NCKAP1: variants seen among roughly 807,000 people sequenced by gnomAD.
NCKAP1 encodes the protein NCK associated protein 1.
NCKAP1 carries 21 observed loss-of-function variants against 151.2 expected under a neutral mutation model. The ratio of observed to expected loss-of-function variants is 0.14; its 90% CI spans 0.10 to 0.20. The LOEUF (loss-of-function observed/expected upper bound fraction) is 0.20. NCKAP1 is among the 10% of genes least tolerant of loss of function. The pLI is 1.00. For synonymous variants in NCKAP1, 484 were observed against 451.8 expected (o/e 1.07, Z -0.90); for missense variants, 933 against 1,352.1 (o/e 0.69, Z 4.86).
At chr2:182,945,227 C>T (rs527597530) in intron 23 of NCKAP1, among the ~76,000 whole-genome samples, 3 of 136,466 alleles carry the variant, frequency 2.2e-5, no homozygotes, top group Non-Finnish European at 4.7e-5. Flanking sequence ...AAGAGCGAGA[C>T]TGTCTCAAAA....
In NCKAP1 at chr2:182,910,317, C is replaced by G. The variant is rs1696368082; in HGVS notation, c.*15385G>C. On this transcript the variant is annotated 3_prime_UTR_variant, in exon 31 of 31. Coordinates refer to ENST00000361354, the MANE Select transcript of NCKAP1 (RefSeq NM_013436.5). ...GCCAGCATGATTTGTGTTTCTGCAT[C>G]CAGGCAAATGTACTAAAATTCTTTG... 1 of 152,170 alleles carries G rather than the reference C, an allele frequency of 6.6e-6. No homozygotes were observed. The highest frequency in any genetic ancestry group is 1.5e-5 in the Non-Finnish European group (1 of 68,044). The allele number at this position is 152,170 out of a possible 1,614,324, so 9.4% of individuals were successfully genotyped here.
chr2:183,028,557 T>C (rs2675049), intron 1 of NCKAP1, among the ~76,000 whole-genome samples: 26,932 of 152,026 alleles, frequency 0.18, 3,691 homozygotes, highest in African/African-American at 0.38. Context: ...GTCAAGTGCA[T>C]AATAGCCTAT....
intron 1 of NCKAP1, among the ~76,000 whole-genome samples, chr2:183,024,785 C>T (rs1320830126): frequency 6.6e-6 from 1 of 152,064 alleles, no homozygotes; most frequent in Non-Finnish European, 1.5e-5. Flanking sequence ...CTTTTTATTG[C>T]ATTTTGAAAA....
intron 14 of NCKAP1, among the ~76,000 whole-genome samples, chr2:182,978,213 TTC>T (rs1697865400): frequency 6.6e-6 from 1 of 152,224 alleles, no homozygotes; most frequent in Non-Finnish European, 1.5e-5. Flanking sequence ...CTCAGAAGTT[TTC>T]AAGGTTTCTG....
chr2:183,037,655 T>C (rs1036763950), intron 1 of NCKAP1, among the ~76,000 whole-genome samples: 4 of 152,024 alleles, frequency 2.6e-5, no homozygotes, highest in South Asian at 2.1e-4. Context: ...CTCCCTTTCC[T>C]ATGGGCCCCA....
chr2:183,013,003 T>G (rs1354312135), intron 2 of NCKAP1, among the ~76,000 whole-genome samples: 3 of 151,994 alleles, frequency 2.0e-5, no homozygotes, highest in African/African-American at 4.8e-5. Context: ...CTTTCATAAC[T>G]GTCTGATAAA....
intron 1 of NCKAP1, among the ~76,000 whole-genome samples, chr2:183,026,921 G>A (rs984277718): frequency 5.3e-5 from 8 of 152,186 alleles, no homozygotes; most frequent in African/African-American, 1.9e-4. Flanking sequence ...AGTAATCATA[G>A]TAACAGTCTT....
intron 18 of NCKAP1, among the ~76,000 whole-genome samples, chr2:182,961,491 C>T (rs569003840): frequency 9.1e-4 from 138 of 152,136 alleles, no homozygotes; most frequent in African/African-American, 3.1e-3. Context: ...AAAAAACCAA[C>T]CACCACATGT....
intron 16 of NCKAP1, among the ~76,000 whole-genome samples, chr2:182,966,840 A>C (rs1325102405): frequency 6.6e-6 from 1 of 152,218 alleles, no homozygotes; most frequent in Non-Finnish European, 1.5e-5. Flanking sequence ...CATAGAAGTG[A>C]AGTTACCAGG....
intron 15 of NCKAP1, among the ~76,000 whole-genome samples, chr2:182,970,242 T>A (rs761332215): frequency 1.3e-5 from 2 of 152,172 alleles, no homozygotes; most frequent in Admixed American, 1.3e-4. Flanking sequence ...GAAGGAATAC[T>A]TTCAAATACT....
At chr2:182,967,820 C>T (rs1697605237) in intron 15 of NCKAP1, among the ~76,000 whole-genome samples, 1 of 152,056 alleles carries the variant, frequency 6.6e-6, no homozygotes, top group African/African-American at 2.4e-5. Context: ...ATTAATTTGA[C>T]AAATTCTAGA....
intron 1 of NCKAP1, among the ~76,000 whole-genome samples, chr2:183,029,839 A>AAG (rs1553519052): frequency 6.6e-5 from 10 of 151,050 alleles, no homozygotes; most frequent in East Asian, 1.9e-4. Flanking sequence ...AAAAAAAAAA[A>AAG]AGAGAGAGAA....
Position 182,968,270 on chromosome 2 carries a change from T to C in NCKAP1, c.1483-909A>G, listed in dbSNP as rs1219762195. On this transcript the variant is annotated intron_variant, in intron 15 of 30. Coordinates refer to ENST00000361354, the MANE Select transcript of NCKAP1 (RefSeq NM_013436.5). ...GCAGAAATCTATTAGAAGGCAGTAG[T>C]GGCAATAAGACGGCATTACAATGGT... is the stretch of plus-strand genomic sequence containing the variant. 2.0e-5 allele frequency among the ~76,000 whole-genome samples: 3 copies of C among 152,174 alleles called. No homozygotes were observed. In the East Asian group the frequency reaches 5.8e-4, roughly 29 times the overall value.
chr2:182,967,343 T>C lies in NCKAP1; in HGVS notation c.1501A>G (p.Lys501Glu). The change falls in exon 16 of 31, where the codon AAG becomes GAG. Residue 501 changes from lysine (K) to glutamate (E), a missense_variant. Physicochemically the swap from Lys to Glu is moderately conservative, Grantham distance 56. This residue lies in a region of NCKAP1 where 607 missense variants were observed against 795.0 expected (regional missense o/e 0.76). Coordinates refer to ENST00000361354, the MANE Select transcript of NCKAP1 (RefSeq NM_013436.5). ...TGATCTGCAAGGCCAAGTGAAGCCT[T>C]TGAGACACTAGTATATGCCTATAAA... ...FRLQAYTSVS[K>E]ASLGLADHRE... is the part of the protein sequence containing the mutation. 2 of 1,610,908 alleles carry C rather than the reference T, an allele frequency of 1.2e-6. No homozygotes were observed. The highest frequency in any genetic ancestry group is 1.1e-5 in the South Asian group (1 of 90,234).
At chr2:183,002,937 C>T (rs1559101889) in intron 4 of NCKAP1, 37 bp downstream of exon 4, 6 of 1,534,932 alleles carry the variant, frequency 3.9e-6, no homozygotes, top group Non-Finnish European at 5.4e-6. Flanking sequence ...CTTCTGGAAA[C>T]AGAATAATTG....
At chr2:183,007,998 C>G (rs114378663) in intron 2 of NCKAP1, among the ~76,000 whole-genome samples, 1 of 152,164 alleles carries the variant, frequency 6.6e-6, no homozygotes, top group Admixed American at 6.5e-5. Context: ...ACAATCTCGG[C>G]TCACTGCAAC....
intron 6 of NCKAP1, among the ~76,000 whole-genome samples, chr2:183,000,500 A>T (rs1457293819): frequency 6.6e-6 from 1 of 152,214 alleles, no homozygotes; most frequent in Non-Finnish European, 1.5e-5. Context: ...AGAGGAATAG[A>T]AAAGACAGTT....
intron 2 of NCKAP1, among the ~76,000 whole-genome samples, chr2:183,007,921 T>C (rs1416467303): frequency 1.3e-5 from 2 of 152,168 alleles, no homozygotes; most frequent in Admixed American, 1.3e-4. Flanking sequence ...TGAATGTTTT[T>C]TGTTTTTGTT....
At chr2:182,942,600 G>C (rs1697019482) in intron 23 of NCKAP1, among the ~76,000 whole-genome samples, 1 of 152,034 alleles carries the variant, frequency 6.6e-6, no homozygotes. Flanking sequence ...CAAGTAGAGG[G>C]AGAATGACTT....
Sources: allele counts gnomAD v4.1 joint callset (sites outside exome capture counted in the v4.1 genomes callset), GRCh38; gene constraint gnomAD v4.1.1; regional missense constraint gnomAD v4.1.1; transcripts MANE v1.5; gene names NCBI Gene and HGNC (gene_info 2026-07-23, HGNC 2026-07-21).